The following IRX1 variants were observed in gnomAD, a reference collection of about 807,000 sequenced individuals.
IRX1 encodes iroquois-class homeodomain protein IRX-1.
In IRX1, 22 loss-of-function variants were observed where a neutral mutation model predicts 34.1. The ratio of observed to expected loss-of-function variants is 0.64; its 90% CI spans 0.46 to 0.92. IRX1 has a LOEUF of 0.92. Among genes scored for constraint, IRX1 ranks in the 40% least tolerant of loss-of-function variants. The pLI is 0.00. For missense variants in IRX1, 758 were observed against 680.0 expected, an observed-to-expected ratio of 1.11 and a Z score of -1.28; for synonymous variants, 363 against 319.0, an observed-to-expected ratio of 1.14 and a Z score of -1.47.
Position 3,599,088 on chromosome 5 carries a change from CCTG to C in IRX1, c.277-136_277-134del. On this transcript the variant is annotated intron_variant, in intron 1 of 3. Coordinates refer to ENST00000302006, the MANE Select transcript of IRX1 (RefSeq NM_024337.4). This position sits in a 1 kb window ranked among gnomAD's most constrained non-coding sequence, Gnocchi z 6.6. ...CAGCACAGGAGAGCCCCGCAAAGCG[CCTG>C]GGAGGCCCTCGAGTCCATTGAAGCG... 1 of 870,874 alleles carries C rather than the reference CCTG, an allele frequency of 1.1e-6. No homozygotes were observed. The highest frequency in any genetic ancestry group is 1.7e-6 in the Non-Finnish European group (1 of 580,742). The allele number at this position is 870,874 out of a possible 1,614,324, so 53.9% of individuals were successfully genotyped here.
At chr5:3,600,867 C>A (rs1733947955) in intron 3 of IRX1, 116 bp from the exon 4 acceptor site, 2 of 1,251,926 alleles carry the variant, frequency 1.6e-6, no homozygotes, top group South Asian at 1.2e-5. Flanking sequence ...AGCCGGGAGC[C>A]GCGCTGGCTG....
Position 3,599,523 on chromosome 5 carries a change from C to T in IRX1, c.575C>T (p.Thr192Ile), listed in dbSNP as rs1733895420. ...RRRLKKENKVTWGARSKDQED... is the reference protein window; with the variant it reads ...RRRLKKENKVIWGARSKDQED... ...CGCCTCAAGAAGGAGAACAAGGTGA[C>T]ATGGGGAGCGCGCAGCAAGGACCAG... Residue 192 changes from threonine to isoleucine, a missense_variant, in exon 2 of 4, where the codon ACA becomes ATA. By Grantham distance (89) the Thr-to-Ile change is moderately conservative. This residue lies in a region of IRX1 where 529 missense variants were observed against 418.8 expected (regional missense o/e 1.26). Transcript: ENST00000302006. This position sits in a 1 kb window ranked among gnomAD's most constrained non-coding sequence, Gnocchi z 6.6. 6.2e-7 allele frequency: 1 copy of T among 1,614,156 alleles called. No homozygotes were observed. The highest frequency in any genetic ancestry group is 1.1e-5 in the South Asian group (1 of 91,074).
At position 3,596,737 on chromosome 5, in the gene IRX1, G is replaced by A. The variant is rs939400096; in HGVS notation, c.276+356G>A. ...GGCCAGGGCGCCCGGGCAGGCCCAC[G>A]GGGTTCCTGCAGGTCGGCCCGGCGT... On this transcript the variant is annotated intron_variant, in intron 1 of 3. Transcript: ENST00000302006. 6.6e-5 allele frequency among the ~76,000 whole-genome samples: 10 copies of A among 152,150 alleles called. No homozygotes were observed. In the South Asian group the frequency reaches 1.4e-3, roughly 22 times the overall value.
intron 2 of IRX1, 32 bp from the exon 3 acceptor site, chr5:3,600,577 G>A (rs1405363566): frequency 1.3e-6 from 2 of 1,593,794 alleles, no homozygotes; most frequent in African/African-American, 1.3e-5. Flanking sequence ...CCGTCTCTCC[G>A]TCCTAACTCT....
chr5:3,600,358 C>T (rs1733931558), intron 2 of IRX1, 98 bp downstream of exon 2: 1 of 1,209,266 alleles, frequency 8.3e-7, no homozygotes, highest in Non-Finnish European at 1.1e-6. Context: ...GGGAGGGTAC[C>T]AGGCAGTGGC....
At position 3,601,086 on chromosome 5, in the gene IRX1, G is replaced by T; in HGVS notation, c.*46G>T. 1 of 1,473,184 alleles carries T rather than the reference G, an allele frequency of 6.8e-7. No individual in the cohort carries two copies. The highest frequency in any genetic ancestry group is 1.1e-5 in the South Asian group (1 of 88,038). The allele number at this position is 1,473,184 out of a possible 1,614,324, so 91.3% of individuals were successfully genotyped here. A position where few individuals can be genotyped will look rare whatever the true frequency, so the allele number is the denominator to read the frequency against. On this transcript the variant is annotated 3_prime_UTR_variant, in exon 4 of 4. Transcript: ENST00000302006. ...TTGCGGGGGGGAGGGGGGAGGAGTT[G>T]GGGAGGGAGGGAATGTGGGAGGAAT...
At position 3,600,171 on chromosome 5, in the gene IRX1, C is replaced by T. The variant is rs781399181; in HGVS notation, c.1223C>T (p.Ala408Val). 1.2e-5 allele frequency: 19 copies of T among 1,612,444 alleles called. No individual in the cohort carries two copies. The highest frequency in any genetic ancestry group is 1.4e-5 in the Non-Finnish European group (17 of 1,179,814). ...GCGCCCCATGGCCCTCACCTTCCTG[C>T]ACCTCCACCACCGCAGCCGCCGGTC... is the stretch of plus-strand genomic sequence containing the variant. ...HAAPHGPHLP[A>V]PPPPQPPVAI... The change falls in exon 2 of 4, where the codon GCA becomes GTA. Residue 408 changes from alanine to valine, a missense_variant. Physicochemically the swap from Ala to Val is moderately conservative, Grantham distance 64. Coordinates refer to ENST00000302006, the MANE Select transcript of IRX1 (RefSeq NM_024337.4).
At position 3,599,790 on chromosome 5, in the gene IRX1, C is replaced by T. The variant is rs1376787872; in HGVS notation, c.842C>T (p.Pro281Leu). 6.2e-7 allele frequency: 1 copy of T among 1,601,340 alleles called. No homozygotes were observed. The highest frequency in any genetic ancestry group is 8.5e-7 in the Non-Finnish European group (1 of 1,175,084). The change falls in exon 2 of 4, where the codon CCC becomes CTC. Residue 281 changes from proline to leucine, a missense_variant. Around this residue, in one of 3 missense-constraint regions of IRX1, gnomAD observed 529 missense variants for 418.8 expected, o/e 1.26. Coordinates refer to ENST00000302006, the MANE Select transcript of IRX1 (RefSeq NM_024337.4). This position sits in a 1 kb window ranked among gnomAD's most constrained non-coding sequence, Gnocchi z 6.6. ...GACGTTCTCAAGCCCCAGGACTCGC[C>T]CTTGGGCCTGGCAAAGGAGGCCCCA... ...AADVLKPQDS[P>L]LGLAKEAPEP... is the part of the protein sequence containing the mutation.
chr5:3,596,338 C>T lies in IRX1; in HGVS notation c.233C>T (p.Ala78Val). Reference sequence around the variant, plus strand: ...TACGCGGGCGCGCCCAACTACAGCGCCTTCCTGCCCTACGCCGCGGATCTC... The same window carrying T: ...TACGCGGGCGCGCCCAACTACAGCGTCTTCCTGCCCTACGCCGCGGATCTC... ...GPYAGAPNYS[A>V]FLPYAADLSL... Residue 78 changes from alanine (A) to valine (V), a missense_variant, in exon 1 of 4, where the codon GCC (alanine) becomes GTC (valine). Coordinates refer to ENST00000302006, the MANE Select transcript of IRX1 (RefSeq NM_024337.4). 6.5e-7 allele frequency: 1 copy of T among 1,531,298 alleles called. No homozygotes were observed. The highest frequency in any genetic ancestry group is 8.7e-7 in the Non-Finnish European group (1 of 1,143,642). The allele number at this position is 1,531,298 out of a possible 1,614,324, so 94.9% of individuals were successfully genotyped here. A position where few individuals can be genotyped will look rare whatever the true frequency, so the allele number is the denominator to read the frequency against.
intron 1 of IRX1, among the ~76,000 whole-genome samples, chr5:3,597,505 T>A (rs1434876803): frequency 6.6e-6 from 1 of 152,184 alleles, no homozygotes; most frequent in Admixed American, 6.5e-5. Context: ...TTCTTGTAGT[T>A]TTGAAAGAAA....
In IRX1 at chr5:3,600,302, TGCAGAG is replaced by T. The variant is rs1305653283; in HGVS notation, c.1312+45_1312+50del. ...CGTCCACCTGTCCCCTAGCTGGGAA[TGCAGAG>T]GCCTGGCTAGGTGTGGTAGCGTGGG... On this transcript the variant is annotated intron_variant, in intron 2 of 3. Transcript: ENST00000302006. 3 of 1,494,370 alleles carry T rather than the reference TGCAGAG, an allele frequency of 2.0e-6. No individual in the cohort carries two copies. The Admixed American group carries it at 6.2e-5, about 31-fold the overall frequency. The allele number at this position is 1,494,370 out of a possible 1,614,324, so 92.6% of individuals were successfully genotyped here. A position where few individuals can be genotyped will look rare whatever the true frequency, so the allele number is the denominator to read the frequency against.
rs1743687692 is a variant in IRX1 at position 3,596,203 on chromosome 5, C to T, written c.98C>T (p.Ala33Val). Residue 33 changes from alanine (A) to valine (V), a missense_variant, in exon 1 of 4, where the codon GCG becomes GTG. Physicochemically the swap from Ala to Val is moderately conservative, Grantham distance 64 (BLOSUM62 0). This residue lies in a region of IRX1 where 195 missense variants were observed against 195.0 expected (regional missense o/e 1.00). Transcript: ENST00000302006. ...ERPGVLAAAA[A>V]AAAAASSGRP... ...CCGGGGGTGCTGGCCGCGGCCGCTG[C>T]GGCGGCTGCCGCCGCCTCGTCGGGC... 2.8e-6 allele frequency: 3 copies of T among 1,053,802 alleles called. No individual in the cohort carries two copies. The highest frequency in any genetic ancestry group is 1.4e-4 in the East Asian group (2 of 14,450). The allele number at this position is 1,053,802 out of a possible 1,614,324, so 65.3% of individuals were successfully genotyped here.
chr5:3,598,876 C>T (rs186065008), intron 1 of IRX1, among the ~76,000 whole-genome samples: 38 of 152,222 alleles, frequency 2.5e-4, no homozygotes, highest in Non-Finnish European at 4.9e-4. Context: ...GGACAGGGGT[C>T]GCCTAGGGAA....
In IRX1 at chr5:3,599,583, G is replaced by A. The variant is rs1256765708; in HGVS notation, c.635G>A (p.Gly212Asp). Residue 212 changes from glycine (G) to aspartate (D), a missense_variant, in exon 2 of 4, where the codon GGC becomes GAC. Coordinates refer to ENST00000302006, the MANE Select transcript of IRX1 (RefSeq NM_024337.4). The surrounding 1 kb of genome is among the most constrained non-coding windows in gnomAD (Gnocchi z 6.6). ...DGALFGSDTE[G>D]DPEKAEDDEE... The stretch of plus-strand genomic sequence containing the variant: ...GCGCTCTTCGGCAGCGACACCGAGG[G>A]CGACCCGGAGAAGGCCGAGGACGAC... 1.9e-6 allele frequency: 3 copies of A among 1,614,150 alleles called. No homozygotes were observed. The highest frequency in any genetic ancestry group is 1.1e-5 in the South Asian group (1 of 91,078).
rs755013314 is a variant in IRX1, at chr5:3,596,098, C to A, written c.-8C>A. ...TCGCCCGCTGCGGCGGTCGCCGAGT[C>A]CGCGGACATGTCCTTCCCGCAGCTG... On this transcript the variant is annotated 5_prime_UTR_variant, in exon 1 of 4. Transcript: ENST00000302006. 9.4e-6 allele frequency: 10 copies of A among 1,065,442 alleles called. No homozygotes were observed. Among genetic ancestry groups the A allele is most frequent in the Non-Finnish European group, 1.1e-5 (10 of 881,360 alleles). 66.0% of individuals were successfully genotyped at this position (1,065,442 alleles called of 1,614,324 possible). A position where few individuals can be genotyped will look rare whatever the true frequency, so the allele number is the denominator to read the frequency against.
At chr5:3,597,380 C>A (rs1733814956) in intron 1 of IRX1, among the ~76,000 whole-genome samples, 1 of 152,134 alleles carries the variant, frequency 6.6e-6, no homozygotes, top group Non-Finnish European at 1.5e-5. Context: ...GGTCGCTGCC[C>A]GCGGGATAAA....
At chr5:3,596,725 G>A (rs1343982575) in intron 1 of IRX1, among the ~76,000 whole-genome samples, 2 of 152,146 alleles carry the variant, frequency 1.3e-5, no homozygotes, top group Admixed American at 6.5e-5. Flanking sequence ...CAGGGCGCCC[G>A]GGCAGGCCCA....
Position 3,600,232 on chromosome 5 carries a change from C to T in IRX1, c.1284C>T (p.Ala428=), listed in dbSNP as rs375641279. 1.0e-5 allele frequency: 16 copies of T among 1,603,596 alleles called. No homozygotes were observed. The African/African-American group carries it at 1.9e-4, about 19-fold the overall frequency. Residue 428 remains alanine, a synonymous_variant, in exon 2 of 4, where the codon GCC becomes GCT. Coordinates refer to ENST00000302006, the MANE Select transcript of IRX1 (RefSeq NM_024337.4). The part of the protein sequence containing the change: ...IAPGALNGDK[A]SVRSSPTLPE... ...CGGGGGCACTCAATGGAGACAAGGC[C>T]TCGGTCCGCAGCAGCCCCACGCTCC... is the stretch of plus-strand genomic sequence containing the variant.
chr5:3,598,195 T>A (rs1309483878), intron 1 of IRX1, among the ~76,000 whole-genome samples: 1 of 152,254 alleles, frequency 6.6e-6, no homozygotes, highest in Admixed American at 6.5e-5. Flanking sequence ...TGTATTTGAA[T>A]GTCTGTCTGC....
Sources: gnomAD v4.1 joint callset for allele counts (sites outside exome capture counted in the v4.1 genomes callset) on GRCh38, gnomAD v4.1.1 for gene constraint, gnomAD v4.1.1 regional missense constraint, Gnocchi (gnomAD v3.1) non-coding constraint, MANE v1.5 for transcripts, NCBI Gene and HGNC (gene_info 2026-07-23, HGNC 2026-07-21) for gene names.